NF2: variants seen among roughly 807,000 people sequenced by gnomAD.
NF2 encodes NF2, moesin-ezrin-radixin like (MERLIN) tumor suppressor.
In NF2, 8 loss-of-function variants were observed where a neutral mutation model predicts 83.7. The observed-to-expected ratio is 0.10, with a 90% confidence interval of 0.06 to 0.17. The LOEUF (loss-of-function observed/expected upper bound fraction) is 0.17. Among genes scored for constraint, NF2 ranks in the 10% least tolerant of loss-of-function variants. The pLI is 1.00. For synonymous variants in NF2, 266 were observed against 269.6 expected (o/e 0.99, Z 0.13); for missense variants, 533 against 744.4 (o/e 0.72, Z 3.31).
intron 1 of NF2, among the ~76,000 whole-genome samples, chr22:29,606,350 C>T (rs1377584724): frequency 6.6e-6 from 1 of 152,242 alleles, no homozygotes; most frequent in African/African-American, 2.4e-5. Context: ...CCCAATTGCT[C>T]ATCCCCCAGT....
At chr22:29,620,733 A>G (rs912931974) in intron 1 of NF2, among the ~76,000 whole-genome samples, 3 of 151,986 alleles carry the variant, frequency 2.0e-5, no homozygotes, top group Non-Finnish European at 4.4e-5. Context: ...TCCAAAAAAA[A>G]AAATAGAGAT....
chr22:29,613,412 C>A (rs187204995), intron 1 of NF2, among the ~76,000 whole-genome samples: 211 of 152,152 alleles, frequency 1.4e-3, no homozygotes, highest in African/African-American at 4.6e-3. Flanking sequence ...CACTTGTAGT[C>A]CAAGCTGCTT....
At chr22:29,646,752 T>C (rs927872688) in intron 4 of NF2, among the ~76,000 whole-genome samples, 4 of 152,140 alleles carry the variant, frequency 2.6e-5, no homozygotes, top group Non-Finnish European at 5.9e-5. Context: ...GAATCAAAAG[T>C]GTAGGCAGGG....
intron 8 of NF2, among the ~76,000 whole-genome samples, chr22:29,663,435 A>T (rs1208483113): frequency 6.6e-6 from 1 of 152,240 alleles, no homozygotes; most frequent in Non-Finnish European, 1.5e-5. Context: ...GACATAAAAG[A>T]AGTAGTCTTG....
At position 29,696,203 on chromosome 22, in the gene NF2, A is replaced by G; in HGVS notation, c.*1401A>G. The stretch of plus-strand genomic sequence containing the variant: ...ATTCTCCTGCCTCAGCCTCCCAAGT[A>G]GCTGGGACTACAGGCATGCACCACC... On this transcript the variant is annotated 3_prime_UTR_variant, in exon 16 of 16. Coordinates refer to ENST00000338641, the MANE Select transcript of NF2 (RefSeq NM_000268.4). The G allele has an allele frequency of 4.6e-6, 1 of 217,392 alleles. No homozygotes were observed. Among genetic ancestry groups the G allele is most frequent in the Non-Finnish European group, 9.2e-6 (1 of 108,962 alleles). The allele number at this position is 217,392 out of a possible 1,614,324, so 13.5% of individuals were successfully genotyped here. A position where few individuals can be genotyped will look rare whatever the true frequency, so the allele number is the denominator to read the frequency against.
At chr22:29,672,208 T>TG (rs2066815654) in intron 11 of NF2, among the ~76,000 whole-genome samples, 2 of 152,084 alleles carry the variant, frequency 1.3e-5, no homozygotes, top group South Asian at 4.1e-4. Flanking sequence ...TACTGACATT[T>TG]GGGGCTGACC....
At chr22:29,690,040 G>A (rs76259173) in intron 15 of NF2, among the ~76,000 whole-genome samples, 11,180 of 152,278 alleles carry the variant, frequency 0.073, 429 homozygotes, top group African/African-American at 0.078. Context: ...CGATGCTGGC[G>A]GAGGCTTTGT....
intron 15 of NF2, among the ~76,000 whole-genome samples, chr22:29,691,423 G>T (rs1472340634): frequency 6.6e-6 from 1 of 152,320 alleles, no homozygotes. Flanking sequence ...GACCCAGGCC[G>T]GTTGCTGAGC....
rs1162587022 is a variant in NF2 at position 29,636,843 on chromosome 22, G to A, written c.207G>A (p.Lys69=). 2 of 1,614,028 alleles carry A rather than the reference G, an allele frequency of 1.2e-6. No individual in the cohort carries two copies. The highest frequency in any genetic ancestry group is 1.7e-6 in the Non-Finnish European group (2 of 1,180,030). ...TWFFGLQYTI[K]DTVAWLKMDK... ...TCTTTGGACTGCAGTACACAATCAAGGACACAGTGGCCTGGCTCAAAATGG... is the reference window on the plus strand; with the variant it reads ...TCTTTGGACTGCAGTACACAATCAAAGACACAGTGGCCTGGCTCAAAATGG... The change falls in exon 2 of 16, where the codon AAG becomes AAA. Residue 69 remains lysine, a synonymous_variant. Coordinates refer to ENST00000338641, the MANE Select transcript of NF2 (RefSeq NM_000268.4). The surrounding 1 kb of genome is among the most constrained non-coding windows in gnomAD (Gnocchi z 4.4).
chr22:29,647,035 C>A (rs1331973932), intron 4 of NF2, among the ~76,000 whole-genome samples: 522 of 116,582 alleles, frequency 4.5e-3, no homozygotes, highest in Middle Eastern at 9.4e-3. Flanking sequence ...GACTCCATCT[C>A]AAAAAAAAAA....
At chr22:29,668,031 G>A (rs2066674888) in intron 9 of NF2, among the ~76,000 whole-genome samples, 2 of 152,154 alleles carry the variant, frequency 1.3e-5, no homozygotes, top group South Asian at 4.1e-4. Context: ...TCCCTGGTCT[G>A]CAGAACCACA....
intron 14 of NF2, among the ~76,000 whole-genome samples, chr22:29,678,825 G>T (rs1198020259): frequency 6.6e-6 from 1 of 152,246 alleles, no homozygotes; most frequent in Non-Finnish European, 1.5e-5. Context: ...ACTGGGCAGG[G>T]CCCCAGCATG....
chr22:29,692,647 G>A (rs2067438011), intron 15 of NF2, among the ~76,000 whole-genome samples: 1 of 152,206 alleles, frequency 6.6e-6, no homozygotes, highest in Admixed American at 6.5e-5. Context: ...TGGCCCGCCT[G>A]GTAGGCATGG....
At position 29,693,147 on chromosome 22, in the gene NF2, A is replaced by G. The variant is rs551318295; in HGVS notation, c.1738-1605A>G. Among the ~76,000 whole-genome samples the G allele has an allele frequency of 5.9e-5, 9 of 152,282 alleles. No homozygotes were observed. The East Asian group carries it at 1.5e-3, about 26-fold the overall frequency. On this transcript the variant is annotated intron_variant, in intron 15 of 15. Transcript: ENST00000338641. ...TCTCTTCCTCCTTTCTTCCCCAGTGACCATTCTGGTTCCCATCATCACAGG... is the reference window on the plus strand; with the variant it reads ...TCTCTTCCTCCTTTCTTCCCCAGTGGCCATTCTGGTTCCCATCATCACAGG...
intron 11 of NF2, among the ~76,000 whole-genome samples, chr22:29,672,409 G>A (rs185141689): frequency 7.3e-5 from 11 of 151,490 alleles, no homozygotes; most frequent in African/African-American, 2.4e-4. Flanking sequence ...CACCTCCCAG[G>A]TTCAAGCAAT....
At chr22:29,641,564 A>C (rs1184160881) in intron 3 of NF2, among the ~76,000 whole-genome samples, 1 of 152,154 alleles carries the variant, frequency 6.6e-6, no homozygotes, top group Non-Finnish European at 1.5e-5. Context: ...CACGTCATGC[A>C]GTTGTCTTGC....
At chr22:29,660,574 T>C (rs1418923596) in intron 7 of NF2, among the ~76,000 whole-genome samples, 1 of 152,166 alleles carries the variant, frequency 6.6e-6, no homozygotes, top group Non-Finnish European at 1.5e-5. Context: ...TATGGGTTTT[T>C]TTTGTTTTGT....
rs924442550 is a variant in NF2 at position 29,603,768 on chromosome 22, C to T, written c.-231C>T. 29 of 545,054 alleles carry T rather than the reference C, an allele frequency of 5.3e-5. No homozygotes were observed. In the Admixed American group the frequency reaches 9.9e-4, roughly 19 times the overall value. 33.8% of individuals were successfully genotyped at this position (545,054 alleles called of 1,614,324 possible). A position where few individuals can be genotyped will look rare whatever the true frequency, so the allele number is the denominator to read the frequency against. Reference sequence around the variant, plus strand: ...CGCGCCTGCACCGAAGGTCCCGGCTCCTGTGCCCTCCCTGCAGCCGTCAGG... The same window carrying T: ...CGCGCCTGCACCGAAGGTCCCGGCTTCTGTGCCCTCCCTGCAGCCGTCAGG... On this transcript the variant is annotated 5_prime_UTR_variant, in exon 1 of 16. Coordinates refer to ENST00000338641, the MANE Select transcript of NF2 (RefSeq NM_000268.4).
chr22:29,621,759 C>T (rs2065222075), intron 1 of NF2, among the ~76,000 whole-genome samples: 2 of 152,182 alleles, frequency 1.3e-5, no homozygotes, highest in Non-Finnish European at 2.9e-5. Flanking sequence ...AGCCTCTCCT[C>T]CACTTCCTCA....
Sources: allele counts gnomAD v4.1 joint callset (sites outside exome capture counted in the v4.1 genomes callset), GRCh38; gene constraint gnomAD v4.1.1; non-coding constraint Gnocchi (gnomAD v3.1); transcripts MANE v1.5; gene names NCBI Gene and HGNC (gene_info 2026-07-23, HGNC 2026-07-21).